KCNMA1: variants seen among roughly 807,000 people sequenced by gnomAD.
The protein encoded by KCNMA1 is Calcium-activated potassium channel subunit alpha-1.
KCNMA1 carries 29 observed loss-of-function variants against 140.0 expected under a neutral mutation model. The observed-to-expected ratio is 0.21, with a 90% confidence interval of 0.15 to 0.28. KCNMA1 has a LOEUF of 0.28. Among genes scored for constraint, KCNMA1 ranks in the 10% least tolerant of loss-of-function variants. KCNMA1 has a pLI of 1.00. For synonymous variants in KCNMA1, 612 were observed against 611.9 expected (o/e 1.00, Z 0.00); for missense variants, 880 against 1,602.2 (o/e 0.55, Z 7.70).
Position 76,886,643 on chromosome 10 carries a change from A to T in KCNMA1, c.*623T>A. 1.0e-6 allele frequency: 1 copy of T among 991,224 alleles called. No homozygotes were observed. The highest frequency in any genetic ancestry group is 1.2e-6 in the Non-Finnish European group (1 of 833,436). The allele number at this position is 991,224 out of a possible 1,614,324, so 61.4% of individuals were successfully genotyped here. On this transcript the variant is annotated 3_prime_UTR_variant, in exon 28 of 28. Transcript: ENST00000286628. The stretch of plus-strand genomic sequence containing the variant: ...GGACAAAAGGCCTTGGTGAGTAACT[A>T]AAAAAATCACTGATGTTCTCTTGCA...
At chr10:77,427,781 G>T (rs1208940674) in intron 1 of KCNMA1, among the ~76,000 whole-genome samples, 2 of 150,554 alleles carry the variant, frequency 1.3e-5, no homozygotes, top group East Asian at 3.9e-4. Context: ...ATGGAGTCTC[G>T]CTCTGTCACC....
At chr10:77,510,702 G>A (rs901512200) in intron 1 of KCNMA1, among the ~76,000 whole-genome samples, 2 of 151,934 alleles carry the variant, frequency 1.3e-5, no homozygotes, top group African/African-American at 2.4e-5. Context: ...GGAGCCTGAG[G>A]CAGGAGGATC....
At chr10:77,384,948 C>A (rs1038662283) in intron 2 of KCNMA1, among the ~76,000 whole-genome samples, 5 of 152,194 alleles carry the variant, frequency 3.3e-5, no homozygotes, top group Non-Finnish European at 5.9e-5. Context: ...AGATTTAAAT[C>A]TCAGTTCAGA....
intron 5 of KCNMA1, among the ~76,000 whole-genome samples, chr10:77,176,896 G>C (rs1241085065): frequency 6.6e-6 from 1 of 152,156 alleles, no homozygotes; most frequent in Non-Finnish European, 1.5e-5. Flanking sequence ...CTGGAGATGG[G>C]AAGAGTATCC....
intron 29 of KCNMA1, among the ~76,000 whole-genome samples, chr10:76,879,721 A>G (rs1016355176): frequency 1.3e-5 from 2 of 152,228 alleles, no homozygotes; most frequent in Non-Finnish European, 2.9e-5. Flanking sequence ...GTACACATCA[A>G]AATAATTTCA....
intron 19 of KCNMA1, among the ~76,000 whole-genome samples, chr10:76,996,724 G>A (rs1237017577): frequency 1.3e-5 from 2 of 152,148 alleles, no homozygotes; most frequent in Non-Finnish European, 1.5e-5. Context: ...TGATCACATC[G>A]ATTCGTGCTT....
At chr10:77,151,337 G>C (rs4641400) in intron 5 of KCNMA1, among the ~76,000 whole-genome samples, 152,175 of 152,176 alleles carry the variant, frequency 1, 76,087 homozygotes, top group Non-Finnish European at 1. Flanking sequence ...AGTGATTCCC[G>C]GGCCTCAGCC....
At chr10:77,360,101 T>C (rs2093820659) in intron 2 of KCNMA1, among the ~76,000 whole-genome samples, 1 of 152,238 alleles carries the variant, frequency 6.6e-6, no homozygotes, top group African/African-American at 2.4e-5. Flanking sequence ...AGTTTAAATA[T>C]TTCTTGGAAC....
At chr10:77,011,833 C>T (rs1269751930) in intron 18 of KCNMA1, 134 bp downstream of exon 18, 1 of 804,788 alleles carries the variant, frequency 1.2e-6, no homozygotes, top group South Asian at 1.5e-5. Flanking sequence ...TTTCTTTAAA[C>T]TGCTGGGTGA....
At chr10:77,119,283 C>T (rs554678834) in intron 6 of KCNMA1, among the ~76,000 whole-genome samples, 10 of 152,288 alleles carry the variant, frequency 6.6e-5, no homozygotes, top group East Asian at 3.9e-4. Context: ...AGTTCTAAAA[C>T]GGTCCAGGGA....
intron 1 of KCNMA1, chr10:77,636,302 A>G (rs567969497): frequency 1.3e-6 from 2 of 1,496,856 alleles, no homozygotes; most frequent in Admixed American, 4.1e-5. Flanking sequence ...TAGGGACACG[A>G]CTACAGACCA....
intron 7 of KCNMA1, 79 bp from the exon 8 acceptor site, chr10:77,110,422 C>A: frequency 1.5e-6 from 2 of 1,305,432 alleles, no homozygotes; most frequent in South Asian, 2.4e-5. Flanking sequence ...GGAAGCTCGG[C>A]ACTCTCGAAG....
chr10:76,930,242 A>G (rs1337504374), intron 23 of KCNMA1: 1 of 152,234 alleles, frequency 6.6e-6, no homozygotes, highest in Non-Finnish European at 1.5e-5. Context: ...TAAAGGGTTA[A>G]TATCCCATCT....
At chr10:77,464,619 T>C (rs1485708605) in intron 1 of KCNMA1, among the ~76,000 whole-genome samples, 1 of 152,214 alleles carries the variant, frequency 6.6e-6, no homozygotes, top group Admixed American at 6.5e-5. Flanking sequence ...ATGTGGCTTC[T>C]GGGGCTCAGA....
chr10:77,285,007 G>A lies in KCNMA1; in HGVS notation c.541-33751C>T, dbSNP rs1368380880. On this transcript the variant is annotated intron_variant, in intron 2 of 27. Coordinates refer to ENST00000286628, the MANE Select transcript of KCNMA1 (RefSeq NM_001161352.2). ...TGGCTTTTCCTGTTCTCCCGAAACAGTCTTAAGTGATCTCATTTATCATGA... is the reference window on the plus strand; with the variant it reads ...TGGCTTTTCCTGTTCTCCCGAAACAATCTTAAGTGATCTCATTTATCATGA... 2.0e-5 allele frequency among the ~76,000 whole-genome samples: 3 copies of A among 152,198 alleles called. No individual in the cohort carries two copies. The East Asian group carries it at 5.8e-4, about 29-fold the overall frequency.
intron 3 of KCNMA1, among the ~76,000 whole-genome samples, chr10:77,209,550 C>T (rs2045307655): frequency 6.6e-6 from 1 of 152,128 alleles, no homozygotes. Context: ...TGAACCTTAA[C>T]ATGGACTCTG....
chr10:77,633,529 C>G (rs750275474), intron 1 of KCNMA1, among the ~76,000 whole-genome samples: 7 of 152,306 alleles, frequency 4.6e-5, no homozygotes, highest in Non-Finnish European at 7.3e-5. Flanking sequence ...AAGGGCCAAT[C>G]TGGAATCAAG....
intron 3 of KCNMA1, among the ~76,000 whole-genome samples, chr10:77,223,618 A>C (rs1026291936): frequency 2.0e-5 from 3 of 152,304 alleles, no homozygotes; most frequent in African/African-American, 7.2e-5. Flanking sequence ...GCTTACTAGA[A>C]CACAAGTTCA....
chr10:77,055,720 A>G (rs895651092), intron 14 of KCNMA1, among the ~76,000 whole-genome samples: 1 of 152,288 alleles, frequency 6.6e-6, no homozygotes, highest in African/African-American at 2.4e-5. Context: ...TTGGCCCCAG[A>G]TGTGAACACA....
Sources: allele counts gnomAD v4.1 joint callset (sites outside exome capture counted in the v4.1 genomes callset), GRCh38; gene constraint gnomAD v4.1.1; transcripts MANE v1.5; gene names NCBI Gene and HGNC (gene_info 2026-07-23, HGNC 2026-07-21).